Variants in DDX60 observed in about 807,000 individuals in gnomAD.
The protein encoded by DDX60 is probable ATP-dependent RNA helicase DDX60.
DDX60 carries 165 observed loss-of-function variants against 212.8 expected under a neutral mutation model. The ratio of observed to expected loss-of-function variants is 0.78; its 90% CI spans 0.68 to 0.88. The LOEUF is 0.88. Ranked by LOEUF, DDX60 falls within the 40% of genes least tolerant of loss-of-function variation. The probability of loss-of-function intolerance (pLI) is 0.00; values close to 1 mark genes in which losing one functional copy is unlikely to be tolerated. For synonymous variants in DDX60, 703 were observed against 685.3 expected (o/e 1.03, Z -0.40); for missense variants, 1,905 against 2,003.9 (o/e 0.95, Z 0.94).
chr4:168,280,020 G>T (rs543837547), intron 14 of DDX60, among the ~76,000 whole-genome samples: 1 of 152,100 alleles, frequency 6.6e-6, no homozygotes, highest in East Asian at 1.9e-4. Context: ...TTGGGAGGCC[G>T]TGGCAGGTGG....
chr4:168,245,857 T>C (rs1209087324), intron 30 of DDX60, among the ~76,000 whole-genome samples: 1 of 151,940 alleles, frequency 6.6e-6, no homozygotes, highest in African/African-American at 2.4e-5. Context: ...TTCAGTTACA[T>C]ACAACGATAT....
Position 168,252,756 on chromosome 4 carries a change from C to G in DDX60, c.3558-100G>C, listed in dbSNP as rs186567849. 35 of 808,014 alleles carry G rather than the reference C, an allele frequency of 4.3e-5. No individual in the cohort carries two copies. The Admixed American group carries it at 8.2e-4, about 19-fold the overall frequency. The allele number at this position is 808,014 out of a possible 1,614,324, so 50.1% of individuals were successfully genotyped here. A position where few individuals can be genotyped will look rare whatever the true frequency, so the allele number is the denominator to read the frequency against. On this transcript the variant is annotated intron_variant, in intron 26 of 37. Coordinates refer to ENST00000393743, the MANE Select transcript of DDX60 (RefSeq NM_017631.6). ...AGAGGATGCCCAAGACTTCCCAAGT[C>G]AGTCTTCTCACCCAGACTTCCACGG... is the stretch of plus-strand genomic sequence containing the variant.
upstream of DDX60, among the ~76,000 whole-genome samples, chr4:168,323,676 T>C (rs1737647606): frequency 6.6e-6 from 1 of 152,198 alleles, no homozygotes; most frequent in Admixed American, 6.5e-5. Flanking sequence ...TATAGAGGTA[T>C]CTATTACCTT....
intron 22 of DDX60, 68 bp from the exon 23 acceptor site, chr4:168,262,855 C>A: frequency 2.7e-6 from 3 of 1,099,222 alleles, no homozygotes; most frequent in Non-Finnish European, 3.9e-6. Flanking sequence ...GCCTCTTAGT[C>A]ACTATCATAA....
intron 6 of DDX60, among the ~76,000 whole-genome samples, chr4:168,300,759 C>T (rs1736615785): frequency 6.6e-6 from 1 of 152,004 alleles, no homozygotes; most frequent in South Asian, 2.1e-4. Context: ...CATAACCACA[C>T]CAAAGGAGGT....
Position 168,236,390 on chromosome 4 carries a change from G to T in DDX60, c.4412-17C>A. On this transcript the variant is annotated splice_polypyrimidine_tract_variant and intron_variant, in intron 32 of 37. Transcript: ENST00000393743. Reference sequence around the variant, plus strand: ...GTTTTGAGCCTATATAAAACAAAGTGTCTTCTTGTAAATATGAAAGGGTAT... The same window carrying T: ...GTTTTGAGCCTATATAAAACAAAGTTTCTTCTTGTAAATATGAAAGGGTAT... 1 of 1,572,258 alleles carries T rather than the reference G, an allele frequency of 6.4e-7. No homozygotes were observed. Among genetic ancestry groups the T allele is most frequent in the South Asian group, 1.2e-5 (1 of 84,606 alleles).
At chr4:168,247,145 G>A (rs1357512072) in intron 29 of DDX60, among the ~76,000 whole-genome samples, 1 of 152,132 alleles carries the variant, frequency 6.6e-6, no homozygotes, top group Non-Finnish European at 1.5e-5. Flanking sequence ...ACTCTTTACA[G>A]AGCTTATGTT....
intron 1 of DDX60, among the ~76,000 whole-genome samples, chr4:168,313,389 T>C (rs553930822): frequency 3.9e-5 from 6 of 152,254 alleles, no homozygotes; most frequent in African/African-American, 9.6e-5. Flanking sequence ...GGGTGACTCA[T>C]TGGAGATGAC....
intron 1 of DDX60, among the ~76,000 whole-genome samples, chr4:168,314,615 T>A (rs1737284862): frequency 6.6e-6 from 1 of 152,188 alleles, no homozygotes; most frequent in Non-Finnish European, 1.5e-5. Context: ...GAATTTTTAG[T>A]CAGTGATCTG....
intron 33 of DDX60, among the ~76,000 whole-genome samples, chr4:168,229,404 G>A (rs890356380): frequency 2.6e-5 from 4 of 152,122 alleles, no homozygotes; most frequent in Non-Finnish European, 4.4e-5. Context: ...GGGTCCTTGG[G>A]AAGGCTGCCA....
At chr4:168,312,367 G>A (rs1737172794) in intron 1 of DDX60, among the ~76,000 whole-genome samples, 1 of 152,150 alleles carries the variant, frequency 6.6e-6, no homozygotes, top group African/African-American at 2.4e-5. Flanking sequence ...ACAAAGTCTG[G>A]ACTAGATTTG....
At chr4:168,245,110 C>T (rs1291813958) in intron 30 of DDX60, among the ~76,000 whole-genome samples, 2 of 151,912 alleles carry the variant, frequency 1.3e-5, no homozygotes, top group Non-Finnish European at 2.9e-5. Flanking sequence ...CATTTCACCG[C>T]AATAAATAAA....
intron 33 of DDX60, among the ~76,000 whole-genome samples, chr4:168,230,282 A>G (rs1733400807): frequency 6.6e-6 from 1 of 152,160 alleles, no homozygotes; most frequent in African/African-American, 2.4e-5. Context: ...GGGGACTTCA[A>G]TACCCCATGA....
intron 37 of DDX60, among the ~76,000 whole-genome samples, chr4:168,220,119 C>A (rs1341586334): frequency 6.6e-6 from 1 of 152,064 alleles, no homozygotes; most frequent in Non-Finnish European, 1.5e-5. Context: ...ATGGGGTACC[C>A]ACATAAAGTT....
rs556238632 is a variant in DDX60 at position 168,281,048 on chromosome 4, G to A, written c.1723-458C>T. ...CCAGCTACTTGGGAGGCTGAGGCATGAGAATCCCTTGAACCTGGGAGGCAG... is the reference window on the plus strand; with the variant it reads ...CCAGCTACTTGGGAGGCTGAGGCATAAGAATCCCTTGAACCTGGGAGGCAG... On this transcript the variant is annotated intron_variant, in intron 13 of 37. Transcript: ENST00000393743. 1.2e-4 allele frequency among the ~76,000 whole-genome samples: 18 copies of A among 152,292 alleles called. No homozygotes were observed. In the South Asian group the frequency reaches 2.3e-3, roughly 19 times the overall value.
chr4:168,253,979 G>A (rs80190582), intron 26 of DDX60, among the ~76,000 whole-genome samples: 3,395 of 152,250 alleles, frequency 0.022, 211 homozygotes, highest in East Asian at 0.15. Context: ...TCATCATTAC[G>A]TGTTAAGTAA....
At chr4:168,217,356 C>A (rs1172785144) in intron 37 of DDX60, among the ~76,000 whole-genome samples, 1 of 152,120 alleles carries the variant, frequency 6.6e-6, no homozygotes, top group Non-Finnish European at 1.5e-5. Flanking sequence ...CTACATATCT[C>A]TTGTGGAGTC....
intron 26 of DDX60, among the ~76,000 whole-genome samples, chr4:168,253,611 G>A (rs73866522): frequency 0.06 from 9,056 of 152,166 alleles, 829 homozygotes; most frequent in African/African-American, 0.2. Context: ...CTGGTGTCCT[G>A]GCATTCCCAG....
intron 4 of DDX60, among the ~76,000 whole-genome samples, chr4:168,306,967 C>A (rs544626468): frequency 6.6e-6 from 1 of 152,318 alleles, no homozygotes; most frequent in East Asian, 1.9e-4. Context: ...ATCATGCTTA[C>A]CCTTCCCATT....
Sources: gnomAD v4.1 joint callset for allele counts (sites outside exome capture counted in the v4.1 genomes callset) on GRCh38, gnomAD v4.1.1 for gene constraint, MANE v1.5 for transcripts, NCBI Gene and HGNC (gene_info 2026-07-23, HGNC 2026-07-21) for gene names.